Variants in GRID2 observed in about 807,000 individuals in gnomAD.
GRID2 encodes the protein glutamate receptor ionotropic, delta-2.
In GRID2, 33 loss-of-function variants were observed where a neutral mutation model predicts 114.8. That is an observed-to-expected ratio of 0.29 (90% CI 0.22 to 0.38). The LOEUF (loss-of-function observed/expected upper bound fraction) is 0.38, where lower values mean the gene tolerates loss of function less well. Ranked by LOEUF, GRID2 falls within the 10% of genes least tolerant of loss-of-function variation. GRID2 has a pLI of 1.00. For missense variants in GRID2, 1,184 were observed against 1,257.7 expected (o/e 0.94, Z 0.89); for synonymous variants, 505 against 449.9 (o/e 1.12, Z -1.55).
chr4:93,545,921 G>A (rs906123231), intron 13 of GRID2, among the ~76,000 whole-genome samples: 7 of 152,126 alleles, frequency 4.6e-5, no homozygotes, highest in Admixed American at 1.3e-4. Flanking sequence ...ATAAAGCAGC[G>A]ATTTGAAAGA....
chr4:92,767,424 G>T (rs1194673158), intron 2 of GRID2, among the ~76,000 whole-genome samples: 20 of 152,064 alleles, frequency 1.3e-4, no homozygotes. Context: ...CTAGACCCCA[G>T]ATTTTTACTT....
chr4:92,631,897 T>C (rs1007453520), intron 2 of GRID2, among the ~76,000 whole-genome samples: 10 of 152,170 alleles, frequency 6.6e-5, no homozygotes, highest in Admixed American at 4.6e-4. Flanking sequence ...TTCAAGGGTA[T>C]TGGATATGCT....
intron 11 of GRID2, among the ~76,000 whole-genome samples, chr4:93,470,039 A>C (rs1302644370): frequency 6.6e-6 from 1 of 152,144 alleles, no homozygotes; most frequent in Non-Finnish European, 1.5e-5. Context: ...TATTGACCCA[A>C]GTGACATTCT....
At chr4:92,397,614 T>C (rs1166099656) in intron 1 of GRID2, among the ~76,000 whole-genome samples, 8 of 151,998 alleles carry the variant, frequency 5.3e-5, no homozygotes, top group Admixed American at 5.2e-4. Context: ...AACAACTATG[T>C]TACTGTTGCA....
intron 2 of GRID2, among the ~76,000 whole-genome samples, chr4:92,950,921 T>C (rs1379708979): frequency 2.0e-5 from 3 of 152,202 alleles, no homozygotes; most frequent in Non-Finnish European, 4.4e-5. Flanking sequence ...CAAATCCATT[T>C]TCAGATTATG....
intron 14 of GRID2, among the ~76,000 whole-genome samples, chr4:93,663,812 A>T (rs1388690719): frequency 6.6e-6 from 1 of 152,206 alleles, no homozygotes; most frequent in Non-Finnish European, 1.5e-5. Flanking sequence ...AACTTATCAT[A>T]TAAAAAGTAG....
Position 92,421,378 on chromosome 4 carries a change from A to G in GRID2, c.88+116634A>G, listed in dbSNP as rs146240875. Among the ~76,000 whole-genome samples the G allele has an allele frequency of 6.2e-3, 942 of 152,256 alleles. 9 individuals are homozygous for G. The highest frequency in any genetic ancestry group is 0.021 in the African/African-American group (882 of 41,552). On this transcript the variant is annotated intron_variant, in intron 1 of 15. Coordinates refer to ENST00000282020, the MANE Select transcript of GRID2 (RefSeq NM_001510.4). ...ATTGTGGGAGGAGCTGAGGAAATAC[A>G]GATGGAAAAAGGAGAAAGTTTGAGA...
intron 1 of GRID2, among the ~76,000 whole-genome samples, chr4:92,411,100 T>C (rs894513411): frequency 3.9e-5 from 6 of 152,196 alleles, no homozygotes; most frequent in Non-Finnish European, 8.8e-5. Context: ...TCAGCACAGA[T>C]TCTGGCATGT....
At chr4:92,818,158 A>G (rs1270757199) in intron 2 of GRID2, among the ~76,000 whole-genome samples, 1 of 152,154 alleles carries the variant, frequency 6.6e-6, no homozygotes, top group Non-Finnish European at 1.5e-5. Flanking sequence ...CTAAACTTCA[A>G]CTGTGAACTT....
chr4:93,190,710 C>T (rs143609154), intron 4 of GRID2, among the ~76,000 whole-genome samples: 6 of 152,008 alleles, frequency 3.9e-5, no homozygotes, highest in Non-Finnish European at 5.9e-5. Flanking sequence ...ATATGACCTA[C>T]GCTATTTCCT....
chr4:93,207,289 C>CA, intron 4 of GRID2, 115 bp from the exon 5 acceptor site: 1 of 777,544 alleles, frequency 1.3e-6, no homozygotes, highest in East Asian at 2.5e-5. Context: ...AATTGAGTAA[C>CA]AAAGACCTTT....
intron 13 of GRID2, among the ~76,000 whole-genome samples, chr4:93,606,671 T>C (rs1002980530): frequency 2.6e-5 from 4 of 152,212 alleles, no homozygotes; most frequent in African/African-American, 9.6e-5. Flanking sequence ...TCCAATCTTC[T>C]TCCATTATAA....
rs116518720 is a variant in GRID2 at position 93,488,910 on chromosome 4, C to T, written c.1859-1729C>T. 6.5e-3 allele frequency among the ~76,000 whole-genome samples: 990 copies of T among 151,982 alleles called. 9 individuals are homozygous for T. Among genetic ancestry groups the T allele is most frequent in the Non-Finnish European group, 0.011 (738 of 67,904 alleles). On this transcript the variant is annotated intron_variant, in intron 11 of 15. Transcript: ENST00000282020. Reference sequence around the variant, plus strand: ...AATCCATGCTTACAATCTCACTATACCTTGATTACTTAGTTAAAGGTCCTA... The same window carrying T: ...AATCCATGCTTACAATCTCACTATATCTTGATTACTTAGTTAAAGGTCCTA...
chr4:92,992,476 A>G (rs891565511), intron 2 of GRID2, among the ~76,000 whole-genome samples: 9 of 152,156 alleles, frequency 5.9e-5, no homozygotes, highest in Admixed American at 5.9e-4. Flanking sequence ...TATTATCTGG[A>G]GTTATTTTAT....
At chr4:92,684,832 G>C (rs146068054) in intron 2 of GRID2, among the ~76,000 whole-genome samples, 1 of 151,960 alleles carries the variant, frequency 6.6e-6, no homozygotes, top group African/African-American at 2.4e-5. Flanking sequence ...GAAATATCCC[G>C]AATCAAGCAT....
chr4:92,742,855 A>G (rs1560566810), intron 2 of GRID2, among the ~76,000 whole-genome samples: 3 of 152,198 alleles, frequency 2.0e-5, no homozygotes, highest in Non-Finnish European at 4.4e-5. Flanking sequence ...ATAAAAGGAG[A>G]ATTAAGACCC....
intron 1 of GRID2, among the ~76,000 whole-genome samples, chr4:92,350,299 T>C (rs2110181610): frequency 6.6e-6 from 1 of 152,006 alleles, no homozygotes; most frequent in East Asian, 1.9e-4. Flanking sequence ...GATGTATTGT[T>C]ATTCTTTAAT....
chr4:93,309,853 G>A (rs1755828237), intron 8 of GRID2, among the ~76,000 whole-genome samples: 1 of 152,164 alleles, frequency 6.6e-6, no homozygotes, highest in Admixed American at 6.5e-5. Context: ...TTCCCCTTAT[G>A]AGGAAGAGAA....
intron 14 of GRID2, among the ~76,000 whole-genome samples, chr4:93,673,071 T>TGAA (rs1344320720): frequency 7.2e-5 from 11 of 152,336 alleles, no homozygotes; most frequent in Admixed American, 6.5e-4. Flanking sequence ...GGGAAGAGAC[T>TGAA]GAAGTACACT....
Sources: gnomAD v4.1 joint callset for allele counts (sites outside exome capture counted in the v4.1 genomes callset) on GRCh38, gnomAD v4.1.1 for gene constraint, MANE v1.5 for transcripts, NCBI Gene and HGNC (gene_info 2026-07-23, HGNC 2026-07-21) for gene names.